Variants in KCNIP4 observed in about 807,000 individuals in gnomAD.
KCNIP4 encodes Kv channel-interacting protein 4.
In KCNIP4, 12 loss-of-function variants were observed where a neutral mutation model predicts 34.0. The ratio of observed to expected loss-of-function variants is 0.35; its 90% confidence interval spans 0.23 to 0.57. The LOEUF is 0.57. Among genes scored for constraint, KCNIP4 ranks in the 20% least tolerant of loss-of-function variants. The pLI, the probability that KCNIP4 is intolerant of heterozygous loss-of-function variation, is 0.83. For synonymous variants in KCNIP4, 124 were observed against 102.2 expected (o/e 1.21, Z -1.29); for missense variants, 238 against 311.7 (o/e 0.76, Z 1.78).
At chr4:21,398,413 C>G (rs1429919490) in intron 1 of KCNIP4, among the ~76,000 whole-genome samples, 3 of 152,260 alleles carry the variant, frequency 2.0e-5, no homozygotes. Flanking sequence ...TGACCTATGT[C>G]ATTTTAATGG....
intron 1 of KCNIP4, among the ~76,000 whole-genome samples, chr4:21,519,373 C>CACATGTGT (rs1410530504): frequency 9.8e-6 from 1 of 102,322 alleles, no homozygotes; most frequent in African/African-American, 3.2e-5. Flanking sequence ...CACACACACA[C>CACATGTGT]GTATATGTAT....
chr4:21,318,355 C>T (rs565763635), intron 1 of KCNIP4, among the ~76,000 whole-genome samples: 4 of 152,248 alleles, frequency 2.6e-5, no homozygotes, highest in African/African-American at 9.6e-5. Flanking sequence ...TGGAAGTTCA[C>T]AGCATCATTG....
chr4:21,151,437 T>C (rs1049035387), intron 1 of KCNIP4, among the ~76,000 whole-genome samples: 1 of 126,342 alleles, frequency 7.9e-6, no homozygotes, highest in Non-Finnish European at 1.7e-5. Context: ...TTTTTTTTGC[T>C]GTTCTGGAGC....
Position 21,038,123 on chromosome 4 carries a change from A to C in KCNIP4, c.62-155414T>G, listed in dbSNP as rs530988937. Among the ~76,000 whole-genome samples the C allele has an allele frequency of 7.2e-5, 11 of 152,196 alleles. No homozygotes were observed. In the South Asian group the frequency reaches 2.3e-3, roughly 32 times the overall value. ...CTCCCGAGTAGCTGGGATTACAGGC[A>C]TGTGCCACCACGCCCAGCTAACTTT... On this transcript the variant is annotated intron_variant, in intron 1 of 8. Transcript: ENST00000382152.
At chr4:21,657,181 C>T (rs749110953) in intron 1 of KCNIP4, among the ~76,000 whole-genome samples, 7 of 152,298 alleles carry the variant, frequency 4.6e-5, no homozygotes, top group Middle Eastern at 6.8e-3. Flanking sequence ...GACTTTTCAA[C>T]GCTGCTCTGT....
chr4:21,195,323 C>G (rs1416852656), intron 1 of KCNIP4, among the ~76,000 whole-genome samples: 1 of 152,162 alleles, frequency 6.6e-6, no homozygotes, highest in Non-Finnish European at 1.5e-5. Flanking sequence ...TATGTGTACT[C>G]AAATATTAAT....
In KCNIP4 at chr4:21,453,341, T is replaced by C. The variant is rs187836410; in HGVS notation, c.61+495230A>G. Among the ~76,000 whole-genome samples the C allele has an allele frequency of 3.2e-3, 490 of 152,236 alleles. 4 individuals are homozygous for C. The highest frequency in any genetic ancestry group is 0.011 in the African/African-American group (464 of 41,520). On this transcript the variant is annotated intron_variant, in intron 1 of 8. Coordinates refer to ENST00000382152, the MANE Select transcript of KCNIP4 (RefSeq NM_025221.6). ...TATATGAAAGAGGTAGAAGGTCTTGTACCTAGTGAACATAATCTCATTGAA... is the reference window on the plus strand; with the variant it reads ...TATATGAAAGAGGTAGAAGGTCTTGCACCTAGTGAACATAATCTCATTGAA...
At position 21,861,788 on chromosome 4, in the gene KCNIP4, T is replaced by C. The variant is rs148385535; in HGVS notation, c.61+86783A>G. On this transcript the variant is annotated intron_variant, in intron 1 of 8. Transcript: ENST00000382152. ...GACCATTGTTCTTTCTTCCAACTAT[T>C]GTTCTTCCTTGATTGACAAACATAG... 2.8e-3 allele frequency among the ~76,000 whole-genome samples: 434 copies of C among 152,284 alleles called. 2 individuals carry two copies. The highest frequency in any genetic ancestry group is 4.5e-3 in the Non-Finnish European group (308 of 68,032).
chr4:20,957,169 C>A (rs1488352817), intron 1 of KCNIP4, among the ~76,000 whole-genome samples: 2 of 152,156 alleles, frequency 1.3e-5, no homozygotes, highest in Non-Finnish European at 2.9e-5. Flanking sequence ...AAGTAAAAGA[C>A]CAAGAACGGG....
chr4:21,413,495 C>T (rs1724686264), intron 1 of KCNIP4, among the ~76,000 whole-genome samples: 1 of 152,204 alleles, frequency 6.6e-6, no homozygotes, highest in African/African-American at 2.4e-5. Flanking sequence ...AAAGCCCTCT[C>T]AAATCTCTAC....
chr4:21,501,327 G>T (rs896041892), intron 1 of KCNIP4, among the ~76,000 whole-genome samples: 1 of 150,104 alleles, frequency 6.7e-6, no homozygotes, highest in African/African-American at 2.5e-5. Flanking sequence ...CAAATAACTT[G>T]TCATCACTTT....
intron 1 of KCNIP4, among the ~76,000 whole-genome samples, chr4:20,981,572 C>G (rs1050680727): frequency 2.0e-5 from 3 of 152,136 alleles, no homozygotes; most frequent in African/African-American, 7.2e-5. Flanking sequence ...TGCTTCTGCT[C>G]GCAGTTACAT....
chr4:21,797,337 G>T (rs553868602), intron 1 of KCNIP4, among the ~76,000 whole-genome samples: 1 of 152,074 alleles, frequency 6.6e-6, no homozygotes, highest in African/African-American at 2.4e-5. Context: ...AAGAAACAGG[G>T]TCTCACTATG....
intron 1 of KCNIP4, among the ~76,000 whole-genome samples, chr4:21,038,124 T>C (rs1741617817): frequency 6.6e-6 from 1 of 152,128 alleles, no homozygotes. Flanking sequence ...ATTACAGGCA[T>C]GTGCCACCAC....
chr4:21,345,175 G>A (rs549681266), intron 1 of KCNIP4, among the ~76,000 whole-genome samples: 1 of 152,140 alleles, frequency 6.6e-6, no homozygotes, highest in East Asian at 1.9e-4. Context: ...CTCCTTCTTG[G>A]ATCTTGCTCT....
At chr4:21,556,427 A>G (rs1215741819) in intron 1 of KCNIP4, among the ~76,000 whole-genome samples, 2 of 152,148 alleles carry the variant, frequency 1.3e-5, no homozygotes, top group South Asian at 2.1e-4. Flanking sequence ...CAATGCTTCT[A>G]TCTTCTTGGT....
At position 21,188,904 on chromosome 4, in the gene KCNIP4, A is replaced by G. The variant is rs1755437141; in HGVS notation, c.62-306195T>C. ...AGAAAGGAGCTAGGCACATAGTAGA[A>G]CCTCAAAAAAGTTTGGAAAGGCAGA... On this transcript the variant is annotated intron_variant, in intron 1 of 8. Transcript: ENST00000382152. 2.6e-5 allele frequency among the ~76,000 whole-genome samples: 4 copies of G among 152,208 alleles called. No homozygotes were observed. In the South Asian group the frequency reaches 8.3e-4, roughly 32 times the overall value.
At chr4:20,870,233 G>C (rs1723303355) in intron 2 of KCNIP4, among the ~76,000 whole-genome samples, 1 of 152,018 alleles carries the variant, frequency 6.6e-6, no homozygotes, top group South Asian at 2.1e-4. Flanking sequence ...GATCATGGGG[G>C]TGGATTTCTT....
intron 1 of KCNIP4, among the ~76,000 whole-genome samples, chr4:21,788,048 A>G (rs555426419): frequency 6.6e-6 from 1 of 152,262 alleles, no homozygotes; most frequent in East Asian, 1.9e-4. Context: ...AGAAAATTAA[A>G]CTCAAGTCCC....
Sources: allele counts gnomAD v4.1 joint callset (sites outside exome capture counted in the v4.1 genomes callset), GRCh38; gene constraint gnomAD v4.1.1; transcripts MANE v1.5; gene names NCBI Gene and HGNC (gene_info 2026-07-23, HGNC 2026-07-21).